The following TRAPPC9 variants were observed in gnomAD, a reference collection of about 807,000 sequenced individuals.
TRAPPC9 encodes the protein IKK2 binding protein.
TRAPPC9 carries 83 observed loss-of-function variants against 124.0 expected under a neutral mutation model. The observed-to-expected ratio is 0.67, with a 90% confidence interval of 0.56 to 0.80. The LOEUF (loss-of-function observed/expected upper bound fraction) is 0.80. Ranked by LOEUF, TRAPPC9 falls within the 30% of genes least tolerant of loss-of-function variation. The probability of loss-of-function intolerance (pLI) is 0.00; values close to 1 mark genes in which losing one functional copy is unlikely to be tolerated. For missense variants in TRAPPC9, 1,302 were observed against 1,508.3 expected, an observed-to-expected ratio of 0.86 and a Z score of 2.27; for synonymous variants, 638 against 617.5, an observed-to-expected ratio of 1.03 and a Z score of -0.49.
In TRAPPC9 at chr8:140,373,044, C is replaced by T. The variant is rs1588236291; in HGVS notation, c.1135-1864G>A. ...CCCCACTGCCTACCTATGACCTCAC[C>T]AGACTGAACAACTTTAACTCATTTG... On this transcript the variant is annotated intron_variant, in intron 7 of 22. Transcript: ENST00000438773. Among the ~76,000 whole-genome samples, 3 of 152,302 alleles carry T rather than the reference C, an allele frequency of 2.0e-5. No individual in the cohort carries two copies. In the East Asian group the frequency reaches 5.8e-4, roughly 29 times the overall value.
intron 15 of TRAPPC9, among the ~76,000 whole-genome samples, chr8:140,264,439 TG>T (rs879422490): frequency 1.4e-4 from 21 of 152,262 alleles, no homozygotes; most frequent in Admixed American, 7.2e-4. Flanking sequence ...GCTTCTGGTT[TG>T]GATTTGCTAT....
chr8:139,906,823 G>A (rs1302206560), intron 20 of TRAPPC9, among the ~76,000 whole-genome samples: 3 of 152,164 alleles, frequency 2.0e-5, no homozygotes, highest in Admixed American at 6.5e-5. Flanking sequence ...CCCCAGGGGC[G>A]CTTGCATCTT....
intron 9 of TRAPPC9, among the ~76,000 whole-genome samples, chr8:140,339,206 A>T (rs1454705691): frequency 6.6e-6 from 1 of 152,204 alleles, no homozygotes; most frequent in African/African-American, 2.4e-5. Context: ...CCTTACAGCC[A>T]CCTACAGGCC....
intron 4 of TRAPPC9, among the ~76,000 whole-genome samples, chr8:140,433,525 A>C (rs1375886901): frequency 6.6e-6 from 1 of 151,750 alleles, no homozygotes; most frequent in African/African-American, 2.4e-5. Flanking sequence ...AAGAAGTAGA[A>C]GTTGCAGTGA....
At chr8:140,327,998 T>C (rs540832037) in intron 9 of TRAPPC9, among the ~76,000 whole-genome samples, 63 of 151,756 alleles carry the variant, frequency 4.2e-4, no homozygotes, top group African/African-American at 1.5e-3. Context: ...CTCACGCCTG[T>C]AATCCCAGCA....
At chr8:139,756,938 T>A (rs1231811291) in intron 21 of TRAPPC9, among the ~76,000 whole-genome samples, 64 of 88,610 alleles carry the variant, frequency 7.2e-4, no homozygotes, top group Middle Eastern at 0.01. Flanking sequence ...GGAGCCAGGG[T>A]TGGGGTATAA....
chr8:140,195,407 A>G (rs1443947505), intron 17 of TRAPPC9, among the ~76,000 whole-genome samples: 1 of 152,134 alleles, frequency 6.6e-6, no homozygotes, highest in Admixed American at 6.5e-5. Flanking sequence ...TCCATTGTAC[A>G]GATCGCATCT....
intron 17 of TRAPPC9, among the ~76,000 whole-genome samples, chr8:140,124,568 G>A (rs561010696): frequency 2.6e-5 from 1 of 39,198 alleles, no homozygotes; most frequent in Non-Finnish European, 5.1e-5. Flanking sequence ...TCTTTGGGCG[G>A]GGGGGCATTA....
chr8:140,316,017 AC>A (rs1480635316), intron 9 of TRAPPC9, among the ~76,000 whole-genome samples: 1 of 152,092 alleles, frequency 6.6e-6, no homozygotes, highest in Non-Finnish European at 1.5e-5. Flanking sequence ...CTGCCCTAAA[AC>A]CTTTTGTCAT....
intron 16 of TRAPPC9, among the ~76,000 whole-genome samples, chr8:140,239,287 A>C (rs1468427088): frequency 6.6e-6 from 1 of 152,192 alleles, no homozygotes; most frequent in Non-Finnish European, 1.5e-5. Context: ...TGAGCACATG[A>C]GGACGTCTGG....
rs776155126 is a variant in TRAPPC9, at chr8:140,033,658, G to GTTTTTTTTTTTTTTTTTTTTTTT, written c.2557-9602_2557-9580dup. Among the ~76,000 whole-genome samples the GTTTTTTTTTTTTTTTTTTTTTTT allele has an allele frequency of 9.4e-5, 4 of 42,366 alleles. 1 individual carries two copies. The highest frequency in any genetic ancestry group is 1.7e-4 in the Non-Finnish European group (3 of 18,116). 27.8% of individuals were successfully genotyped at this position (42,366 alleles called of 152,430 possible). On this transcript the variant is annotated intron_variant, in intron 17 of 22. Transcript: ENST00000438773. ...TTGAAATGCAACTCTTCATAATGTG[G>GTTTTTTTTTTTTTTTTTTTTTTT]TTTTTTTTTTTTTTTTTTTTTTTTT...
intron 21 of TRAPPC9, among the ~76,000 whole-genome samples, chr8:139,851,911 C>T (rs563406484): frequency 3.3e-5 from 5 of 152,270 alleles, no homozygotes; most frequent in African/African-American, 9.6e-5. Flanking sequence ...ACTGGCTGTG[C>T]ATCCCACAGA....
intron 17 of TRAPPC9, among the ~76,000 whole-genome samples, chr8:140,031,305 G>A (rs1208271362): frequency 1.3e-5 from 2 of 152,146 alleles, no homozygotes; most frequent in East Asian, 3.8e-4. Flanking sequence ...TAAAACCTGA[G>A]GGTCATGCCA....
chr8:140,153,794 C>T (rs2061586369), intron 17 of TRAPPC9, among the ~76,000 whole-genome samples: 1 of 152,164 alleles, frequency 6.6e-6, no homozygotes, highest in Non-Finnish European at 1.5e-5. Context: ...GGATCAAGTC[C>T]AAATTTCTTC....
At chr8:139,983,860 G>A (rs990523624) in intron 19 of TRAPPC9, among the ~76,000 whole-genome samples, 2 of 152,178 alleles carry the variant, frequency 1.3e-5, no homozygotes, top group African/African-American at 2.4e-5. Context: ...TCAGACAGAC[G>A]GGGTTCCACA....
Position 140,076,590 on chromosome 8 carries a change from G to A in TRAPPC9, c.2557-52511C>T, listed in dbSNP as rs369898834. Among the ~76,000 whole-genome samples the A allele has an allele frequency of 1.4e-4, 22 of 152,286 alleles. 1 individual carries two copies. The highest frequency in any genetic ancestry group is 1.4e-3 in the East Asian group (7 of 5,176). ...TCAGGCCATGGGGCCCATCCCCTCT[G>A]GGTGCCCATCTGAAACTCAGAGATG... On this transcript the variant is annotated intron_variant, in intron 17 of 22. Transcript: ENST00000438773.
At chr8:140,196,718 C>T (rs566450924) in intron 17 of TRAPPC9, among the ~76,000 whole-genome samples, 8 of 151,770 alleles carry the variant, frequency 5.3e-5, no homozygotes, top group African/African-American at 1.5e-4. Context: ...AAACACACAA[C>T]GATCCACTAC....
intron 21 of TRAPPC9, among the ~76,000 whole-genome samples, chr8:139,753,506 T>C (rs1819503827): frequency 6.6e-6 from 1 of 152,238 alleles, no homozygotes; most frequent in South Asian, 2.1e-4. Flanking sequence ...TTTACTGATT[T>C]GTTCTGCTCT....
intron 17 of TRAPPC9, among the ~76,000 whole-genome samples, chr8:140,155,299 A>G (rs2061609563): frequency 6.6e-6 from 1 of 152,178 alleles, no homozygotes; most frequent in South Asian, 2.1e-4. Context: ...CGACTTGGTG[A>G]GGCTCCAAAG....
Sources: allele counts gnomAD v4.1 joint callset (sites outside exome capture counted in the v4.1 genomes callset), GRCh38; gene constraint gnomAD v4.1.1; transcripts MANE v1.5; gene names NCBI Gene and HGNC (gene_info 2026-07-23, HGNC 2026-07-21).